The following EPHA7 variants were observed in gnomAD, a reference collection of about 807,000 sequenced individuals.
The protein encoded by EPHA7 is EPH receptor A7.
EPHA7 carries 25 observed loss-of-function variants against 112.6 expected under a neutral mutation model. The observed-to-expected ratio is 0.22, with a 90% confidence interval of 0.16 to 0.31. The LOEUF is 0.31. Among genes scored for constraint, EPHA7 ranks in the 10% least tolerant of loss-of-function variants. The pLI is 1.00. For missense variants in EPHA7, 962 were observed against 1,212.6 expected, an observed-to-expected ratio of 0.79 and a Z score of 3.07; for synonymous variants, 437 against 406.5, an observed-to-expected ratio of 1.07 and a Z score of -0.90.
At position 93,341,622 on chromosome 6, in the gene EPHA7, C is replaced by CA. The variant is rs1449446809; in HGVS notation, c.1324+15094dup. 1.4e-4 allele frequency among the ~76,000 whole-genome samples: 22 copies of CA among 151,848 alleles called. 1 individual carries two copies. The East Asian group carries it at 4.1e-3, about 28-fold the overall frequency. The stretch of plus-strand genomic sequence containing the variant: ...AATTTTATCTAACCATCTTTAACCC[C>CA]AATTCACTTCAATTCATATAAACCT... On this transcript the variant is annotated intron_variant, in intron 5 of 16. Coordinates refer to ENST00000369303, the MANE Select transcript of EPHA7 (RefSeq NM_004440.4).
At chr6:93,264,135 T>A (rs1770819027) in intron 8 of EPHA7, among the ~76,000 whole-genome samples, 1 of 151,472 alleles carries the variant, frequency 6.6e-6, no homozygotes, top group Non-Finnish European at 1.5e-5. Context: ...AAAAATACAT[T>A]TAGATTGAAT....
intron 7 of EPHA7, among the ~76,000 whole-genome samples, chr6:93,266,898 C>T (rs747420558): frequency 2.2e-4 from 33 of 151,852 alleles, no homozygotes; most frequent in Non-Finnish European, 3.8e-4. Context: ...TGCTGACTCA[C>T]TGGTTCACAA....
At chr6:93,405,048 G>A (rs1386225589) in intron 3 of EPHA7, among the ~76,000 whole-genome samples, 6 of 151,706 alleles carry the variant, frequency 4.0e-5, no homozygotes, top group Non-Finnish European at 8.8e-5. Flanking sequence ...AAATTATAGT[G>A]TACAAAAATA....
At chr6:93,369,303 C>T (rs911286714) in intron 3 of EPHA7, among the ~76,000 whole-genome samples, 1 of 151,190 alleles carries the variant, frequency 6.6e-6, no homozygotes, top group African/African-American at 2.4e-5. Flanking sequence ...TAAGAGAAAA[C>T]CAGTTAATTA....
Position 93,358,516 on chromosome 6 carries a change from T to C in EPHA7, c.833-105A>G, listed in dbSNP as rs1776074532. The C allele has an allele frequency of 6.7e-6, 6 of 893,340 alleles. No individual in the cohort carries two copies. In the East Asian group the frequency reaches 1.7e-4, roughly 25 times the overall value. 55.3% of individuals were successfully genotyped at this position (893,340 alleles called of 1,614,324 possible). ...AATCAAATATTAAATGTGATGTATGTAAAACAAGCTCTTGATGATAAAATA... is the reference window on the plus strand; with the variant it reads ...AATCAAATATTAAATGTGATGTATGCAAAACAAGCTCTTGATGATAAAATA... On this transcript the variant is annotated intron_variant, in intron 3 of 16. Transcript: ENST00000369303.
Position 93,264,757 on chromosome 6 carries a change from A to C in EPHA7, c.1634-55T>G, listed in dbSNP as rs952303839. On this transcript the variant is annotated intron_variant, in intron 7 of 16. Transcript: ENST00000369303. The stretch of plus-strand genomic sequence containing the variant: ...ACTTGACACCATGCAAGAACTTGAA[A>C]GGTTAAATAAAATTAGAGTTATCTT... 1.3e-5 allele frequency: 13 copies of C among 1,011,558 alleles called. No individual in the cohort carries two copies. The Admixed American group carries it at 3.3e-4, about 26-fold the overall frequency. 62.7% of individuals were successfully genotyped at this position (1,011,558 alleles called of 1,614,324 possible).
chr6:93,379,468 A>T (rs1777228100), intron 3 of EPHA7, among the ~76,000 whole-genome samples: 1 of 152,098 alleles, frequency 6.6e-6, no homozygotes, highest in African/African-American at 2.4e-5. Context: ...GAATGTAATT[A>T]TCAGATACAT....
intron 3 of EPHA7, among the ~76,000 whole-genome samples, chr6:93,401,869 A>AT (rs1778451920): frequency 6.6e-6 from 1 of 152,044 alleles, no homozygotes; most frequent in African/African-American, 2.4e-5. Flanking sequence ...TGAAAATATT[A>AT]TTTCTATAAA....
chr6:93,280,869 T>C (rs1771702322), intron 5 of EPHA7, among the ~76,000 whole-genome samples: 1 of 152,130 alleles, frequency 6.6e-6, no homozygotes, highest in Non-Finnish European at 1.5e-5. Context: ...AAATTACTGA[T>C]ACCTGGGACA....
chr6:93,246,989 A>C lies in EPHA7; in HGVS notation c.2533-4T>G. Reference sequence around the variant, plus strand: ...CTTCTTCTATTGCTTTTATAACCTAATAGCCAAAAGGACATTACAAATATT... The same window carrying C: ...CTTCTTCTATTGCTTTTATAACCTACTAGCCAAAAGGACATTACAAATATT... On this transcript the variant is annotated splice_region_variant and splice_polypyrimidine_tract_variant and intron_variant, in intron 14 of 16. Coordinates refer to ENST00000369303, the MANE Select transcript of EPHA7 (RefSeq NM_004440.4). 1 of 1,570,056 alleles carries C rather than the reference A, an allele frequency of 6.4e-7. No individual in the cohort carries two copies. Among genetic ancestry groups the C allele is most frequent in the Non-Finnish European group, 8.7e-7 (1 of 1,148,210 alleles).
At position 93,358,248 on chromosome 6, in the gene EPHA7, C is replaced by A. The variant is rs144270635; in HGVS notation, c.988+8G>T. Reference sequence around the variant, plus strand: ...TGGAAAGTCCTTTACTTTCATAATACAACTCACTTGTGCACGCAACGTATG... The same window carrying A: ...TGGAAAGTCCTTTACTTTCATAATAAAACTCACTTGTGCACGCAACGTATG... On this transcript the variant is annotated splice_region_variant and intron_variant, in intron 4 of 16. Coordinates refer to ENST00000369303, the MANE Select transcript of EPHA7 (RefSeq NM_004440.4). 19 of 1,595,640 alleles carry A rather than the reference C, an allele frequency of 1.2e-5. No homozygotes were observed. In the African/African-American group the frequency reaches 1.6e-4, roughly 14 times the overall value.
chr6:93,352,736 T>C (rs1039884299), intron 5 of EPHA7, among the ~76,000 whole-genome samples: 1 of 152,022 alleles, frequency 6.6e-6, no homozygotes, highest in Admixed American at 6.6e-5. Flanking sequence ...AATGGAAAAC[T>C]ATGGAATACT....
chr6:93,312,471 C>T (rs893458577), intron 5 of EPHA7, among the ~76,000 whole-genome samples: 38 of 152,042 alleles, frequency 2.5e-4, no homozygotes, highest in Non-Finnish European at 1.8e-4. Flanking sequence ...GATTCCTCAT[C>T]TCTCTTAGCC....
chr6:93,255,491 T>C (rs996346271), intron 13 of EPHA7, among the ~76,000 whole-genome samples: 2 of 152,230 alleles, frequency 1.3e-5, no homozygotes, highest in African/African-American at 4.8e-5. Context: ...AGGATTAGCA[T>C]AGTTAATATT....
chr6:93,417,895 AG>A (rs1779322155), intron 1 of EPHA7, among the ~76,000 whole-genome samples: 1 of 152,032 alleles, frequency 6.6e-6, no homozygotes, highest in African/African-American at 2.4e-5. Context: ...AAGAAGGACT[AG>A]AATTTGGCGC....
intron 3 of EPHA7, among the ~76,000 whole-genome samples, chr6:93,376,213 A>G (rs1277511435): frequency 6.6e-6 from 1 of 152,012 alleles, no homozygotes; most frequent in Non-Finnish European, 1.5e-5. Context: ...TATGATCACT[A>G]TTCACTGTAG....
At chr6:93,361,331 C>T (rs1392191642) in intron 3 of EPHA7, among the ~76,000 whole-genome samples, 2 of 151,742 alleles carry the variant, frequency 1.3e-5, no homozygotes, top group Non-Finnish European at 2.9e-5. Flanking sequence ...AGTACAAAAG[C>T]GCTGGAGCAA....
chr6:93,359,239 T>C (rs188997691), intron 3 of EPHA7, among the ~76,000 whole-genome samples: 1 of 152,210 alleles, frequency 6.6e-6, no homozygotes, highest in Admixed American at 6.5e-5. Context: ...CTCTTATTCA[T>C]TTAGATTCTA....
chr6:93,312,037 A>G (rs1185504748), intron 5 of EPHA7, among the ~76,000 whole-genome samples: 1 of 152,176 alleles, frequency 6.6e-6, no homozygotes, highest in African/African-American at 2.4e-5. Flanking sequence ...ATGTGCTGTT[A>G]TCAAGGCTTC....
Sources: allele counts gnomAD v4.1 joint callset (sites outside exome capture counted in the v4.1 genomes callset), GRCh38; gene constraint gnomAD v4.1.1; transcripts MANE v1.5; gene names NCBI Gene and HGNC (gene_info 2026-07-23, HGNC 2026-07-21).